Variants in TMEM61 observed in about 807,000 individuals in gnomAD.
TMEM61 encodes transmembrane protein 61.
TMEM61 carries 13 observed loss-of-function variants against 12.0 expected under a neutral mutation model. That is an observed-to-expected ratio of 1.08 (90% CI 0.70 to 1.72). TMEM61 has a LOEUF of 1.72. Ranked by LOEUF, TMEM61 falls within the 40% of genes most tolerant of loss-of-function variation. TMEM61 has a pLI of 0.00. For synonymous variants in TMEM61, 109 were observed against 121.4 expected, an observed-to-expected ratio of 0.90 and a Z score of 0.67; for missense variants, 249 against 276.9, an observed-to-expected ratio of 0.90 and a Z score of 0.71.
intron 2 of TMEM61, among the ~76,000 whole-genome samples, chr1:54,989,218 G>A (rs1334724797): frequency 6.6e-6 from 1 of 152,190 alleles, no homozygotes; most frequent in Non-Finnish European, 1.5e-5. Flanking sequence ...GGTGTGATAG[G>A]TGGACTTAGC....
At chr1:54,983,824 G>C (rs1644239898) in intron 1 of TMEM61, among the ~76,000 whole-genome samples, 1 of 152,108 alleles carries the variant, frequency 6.6e-6, no homozygotes, top group African/African-American at 2.4e-5. Context: ...TTTGACTTTG[G>C]GGATGGGGGA....
At position 54,981,617 on chromosome 1, in the gene TMEM61, C is replaced by CAAACA. The variant is rs145276143; in HGVS notation, c.15+556_15+560dup. Among the ~76,000 whole-genome samples the CAAACA allele has an allele frequency of 1.7e-3, 264 of 152,256 alleles. 1 individual carries two copies. Among genetic ancestry groups the CAAACA allele is most frequent in the African/African-American group, 5.8e-3 (242 of 41,534 alleles). ...TGGGCAACAGAGCAAGATGGAATCT[C>CAAACA]AAACAAAACAAAACAAAACAAAAAT... On this transcript the variant is annotated intron_variant, in intron 1 of 2. Coordinates refer to ENST00000371268, the MANE Select transcript of TMEM61 (RefSeq NM_182532.3).
chr1:54,985,810 C>T (rs2500323), intron 1 of TMEM61, among the ~76,000 whole-genome samples: 101,922 of 151,920 alleles, frequency 0.67, 36,290 homozygotes, highest in Non-Finnish European at 0.8. Context: ...ACCCACCAGG[C>T]AGATGGGGCC....
intron 2 of TMEM61, among the ~76,000 whole-genome samples, chr1:54,986,731 G>A (rs1340458208): frequency 6.6e-6 from 1 of 151,804 alleles, no homozygotes; most frequent in East Asian, 1.9e-4. Context: ...TCCTGGAGGA[G>A]GTGGCAGCTG....
At position 54,991,893 on chromosome 1, in the gene TMEM61, C is replaced by T. The variant is rs746314762; in HGVS notation, c.423C>T (p.Ala141=). ...TYEEAVSFPV[A]EGPPTPPAYP... ...AGGAAGCCGTGAGCTTCCCAGTGGCCGAGGGGCCCCCAACACCACCTGCAT... is the reference window on the plus strand; with the variant it reads ...AGGAAGCCGTGAGCTTCCCAGTGGCTGAGGGGCCCCCAACACCACCTGCAT... Residue 141 remains alanine (A), a synonymous_variant, in exon 3 of 3, where the codon GCC becomes GCT. Transcript: ENST00000371268. 2.9e-5 allele frequency: 46 copies of T among 1,614,000 alleles called. No homozygotes were observed. In the East Asian group the frequency reaches 3.3e-4, roughly 12 times the overall value.
rs571535451 is a variant in TMEM61 at position 54,980,988 on chromosome 1, C to T, written c.-78C>T. On this transcript the variant is annotated 5_prime_UTR_variant, in exon 1 of 3. Coordinates refer to ENST00000371268, the MANE Select transcript of TMEM61 (RefSeq NM_182532.3). ...TCGCCGCTGGTAGGGTCGCTCAGCC[C>T]TGGCGTCCTCCACCACCACACCTTC... is the stretch of plus-strand genomic sequence containing the variant. 38 of 1,479,568 alleles carry T rather than the reference C, an allele frequency of 2.6e-5. No homozygotes were observed. The African/African-American group carries it at 3.8e-4, about 15-fold the overall frequency. 91.7% of individuals were successfully genotyped at this position (1,479,568 alleles called of 1,614,324 possible). A position where few individuals can be genotyped will look rare whatever the true frequency, so the allele number is the denominator to read the frequency against.
Position 54,992,188 on chromosome 1 carries a change from C to A in TMEM61, c.*85C>A. The A allele has an allele frequency of 6.7e-7, 1 of 1,496,452 alleles. No homozygotes were observed. 92.7% of individuals were successfully genotyped at this position (1,496,452 alleles called of 1,614,324 possible). On this transcript the variant is annotated 3_prime_UTR_variant, in exon 3 of 3. Coordinates refer to ENST00000371268, the MANE Select transcript of TMEM61 (RefSeq NM_182532.3). Reference sequence around the variant, plus strand: ...TGCAGTGCCTGGGACACAGTAGGCACTCAGCAAACGTTCGTTGTTGAAGGC... The same window carrying A: ...TGCAGTGCCTGGGACACAGTAGGCAATCAGCAAACGTTCGTTGTTGAAGGC...
In TMEM61 at chr1:54,981,077, C is replaced by A; in HGVS notation, c.12C>A (p.Pro4=). ...CTGCCCGCCTCCCGATGGCCCTGCC[C>A]CAGGTGGGTGGAAACGGCCTTCTCC... The part of the protein sequence containing the change: MAL[P]QMCDGSHLAS... Residue 4 remains proline, a synonymous_variant, in exon 1 of 3, where the codon CCC becomes CCA. Coordinates refer to ENST00000371268, the MANE Select transcript of TMEM61 (RefSeq NM_182532.3). 1 of 1,587,818 alleles carries A rather than the reference C, an allele frequency of 6.3e-7. No homozygotes were observed.
At chr1:54,982,757 T>A (rs1486375256) in intron 1 of TMEM61, among the ~76,000 whole-genome samples, 2 of 152,212 alleles carry the variant, frequency 1.3e-5, no homozygotes, top group African/African-American at 4.8e-5. Flanking sequence ...GACCTAGCTG[T>A]ACACACAGAC....
chr1:54,981,153 T>A, intron 1 of TMEM61, 73 bp downstream of exon 1: 1 of 1,511,616 alleles, frequency 6.6e-7, no homozygotes, highest in South Asian at 1.3e-5. Flanking sequence ...CCCCGACCCC[T>A]TCCCCTAACC....
At chr1:54,987,023 T>C (rs552724726) in intron 2 of TMEM61, among the ~76,000 whole-genome samples, 4 of 152,204 alleles carry the variant, frequency 2.6e-5, no homozygotes, top group Non-Finnish European at 4.4e-5. Context: ...CTGAAGTAGC[T>C]ACTGTTATGA....
chr1:54,992,219 T>C lies in TMEM61; in HGVS notation c.*116T>C. On this transcript the variant is annotated 3_prime_UTR_variant, in exon 3 of 3. Transcript: ENST00000371268. Reference sequence around the variant, plus strand: ...AAACGTTCGTTGTTGAAGGCTGTTCTATTTATCTATTGCTGTATAACAAAC... The same window carrying C: ...AAACGTTCGTTGTTGAAGGCTGTTCCATTTATCTATTGCTGTATAACAAAC... The C allele has an allele frequency of 8.0e-7, 1 of 1,249,480 alleles. No individual in the cohort carries two copies. The highest frequency in any genetic ancestry group is 1.1e-6 in the Non-Finnish European group (1 of 903,918). The allele number at this position is 1,249,480 out of a possible 1,614,324, so 77.4% of individuals were successfully genotyped here.
intron 1 of TMEM61, 124 bp downstream of exon 1, chr1:54,981,204 C>CCCCGGGTG: frequency 8.9e-7 from 1 of 1,123,964 alleles, no homozygotes; most frequent in African/African-American, 1.6e-5. Flanking sequence ...ACACCCGGGG[C>CCCCGGGTG]TCTGCCTGGG....
chr1:54,991,803 C>A, intron 2 of TMEM61, 33 bp from the exon 3 acceptor site: 1 of 1,604,920 alleles, frequency 6.2e-7, no homozygotes, highest in Non-Finnish European at 8.5e-7. Context: ...TCTGCCCCAG[C>A]CCCTGCTAAC....
rs1467838709 is a variant in TMEM61, at chr1:54,986,095, A to G, written c.16-2A>G. ...CTCTTCTCCCTCCTTCTCTGTGTCC[A>G]GATGTGTGACGGGAGCCACTTGGCC... On this transcript the variant is annotated splice_acceptor_variant, in intron 1 of 2. Transcript: ENST00000371268. LOFTEE classifies it high-confidence loss of function. 1.3e-6 allele frequency: 2 copies of G among 1,579,480 alleles called. No individual in the cohort carries two copies. The highest frequency in any genetic ancestry group is 3.4e-5 in the Admixed American group (2 of 58,442).
intron 1 of TMEM61, 57 bp downstream of exon 1, chr1:54,981,137 A>G (rs1644217876): frequency 6.5e-7 from 1 of 1,547,078 alleles, no homozygotes; most frequent in Non-Finnish European, 8.7e-7. Flanking sequence ...TCTGTCGTCG[A>G]CCTTGCCCCG....
intron 1 of TMEM61, among the ~76,000 whole-genome samples, chr1:54,981,711 G>A (rs115140720): frequency 0.011 from 1,725 of 152,272 alleles, 42 homozygotes; most frequent in African/African-American, 0.04. Context: ...TGCAGGAGTG[G>A]GTGCAGGAGG....
chr1:54,981,213 G>A (rs1219691821), intron 1 of TMEM61, 133 bp downstream of exon 1: 7 of 1,006,946 alleles, frequency 7.0e-6, no homozygotes, highest in Non-Finnish European at 9.8e-6. Flanking sequence ...GCTCTGCCTG[G>A]GTTTTATCTT....
At chr1:54,982,006 T>G (rs1644226084) in intron 1 of TMEM61, among the ~76,000 whole-genome samples, 1 of 152,232 alleles carries the variant, frequency 6.6e-6, no homozygotes, top group Admixed American at 6.5e-5. Flanking sequence ...GTGGAGAAGC[T>G]GGATCCTGCC....
Sources: gnomAD v4.1 joint callset for allele counts (sites outside exome capture counted in the v4.1 genomes callset) on GRCh38, gnomAD v4.1.1 for gene constraint, MANE v1.5 for transcripts, NCBI Gene and HGNC (gene_info 2026-07-23, HGNC 2026-07-21) for gene names.